GRAMD4: variants seen among roughly 807,000 people sequenced by gnomAD.
The protein encoded by GRAMD4 is GRAM domain containing 4.
GRAMD4 carries 25 observed loss-of-function variants against 83.9 expected under a neutral mutation model. The ratio of observed to expected loss-of-function variants is 0.30; its 90% CI spans 0.22 to 0.42. GRAMD4 has a LOEUF of 0.42. GRAMD4 is among the 10% of genes least tolerant of loss of function. GRAMD4 has a pLI of 1.00. For missense variants in GRAMD4, 593 were observed against 788.7 expected, an observed-to-expected ratio of 0.75 and a Z score of 2.97; for synonymous variants, 336 against 320.9, an observed-to-expected ratio of 1.05 and a Z score of -0.50.
At chr22:46,640,736 C>T (rs1489104896) in intron 3 of GRAMD4, among the ~76,000 whole-genome samples, 1 of 152,144 alleles carries the variant, frequency 6.6e-6, no homozygotes, top group African/African-American at 2.4e-5. Flanking sequence ...AAACCCACCA[C>T]TGGCCGCAAC....
At chr22:46,676,538 G>A in intron 17 of GRAMD4, 62 bp from the exon 18 acceptor site, 2 of 1,460,930 alleles carry the variant, frequency 1.4e-6, no homozygotes, top group Non-Finnish European at 1.9e-6. Context: ...TGGGCCTGTG[G>A]AGGGCTGTGC....
At position 46,677,904 on chromosome 22, in the gene GRAMD4, G is replaced by T; in HGVS notation, c.*653G>T. On this transcript the variant is annotated 3_prime_UTR_variant, in exon 19 of 19. Coordinates refer to ENST00000406902, the MANE Select transcript of GRAMD4 (RefSeq NM_015124.5). ...AGAGGGTGAGAAGGGCCCACCCCTCGCCTGCCCTCAGTGTCTTTGGTGGCA... is the reference window on the plus strand; with the variant it reads ...AGAGGGTGAGAAGGGCCCACCCCTCTCCTGCCCTCAGTGTCTTTGGTGGCA... The T allele has an allele frequency of 7.1e-6, 7 of 985,456 alleles. No homozygotes were observed. The highest frequency in any genetic ancestry group is 8.4e-6 in the Non-Finnish European group (7 of 830,008). The allele number at this position is 985,456 out of a possible 1,614,324, so 61.0% of individuals were successfully genotyped here.
intron 16 of GRAMD4, 32 bp from the exon 17 acceptor site, chr22:46,675,436 C>G (rs746596763): frequency 1.0e-4 from 152 of 1,514,282 alleles, no homozygotes; most frequent in Non-Finnish European, 1.3e-4. Context: ...GGTTCAAGAG[C>G]CAGGCGACGC....
intron 13 of GRAMD4, chr22:46,671,230 A>G: frequency 3.1e-6 from 1 of 319,694 alleles, no homozygotes. Context: ...GCCCCTCCTC[A>G]CACCTAGCAT....
At chr22:46,619,701 C>G (rs1431273253), upstream of GRAMD4, among the ~76,000 whole-genome samples, 1 of 152,204 alleles carries the variant, frequency 6.6e-6, no homozygotes, top group Non-Finnish European at 1.5e-5. Flanking sequence ...CTCACGTCCT[C>G]TTCAGCTGCC....
chr22:46,658,437 TGTGA>T, intron 4 of GRAMD4, 130 bp downstream of exon 4: 1 of 912,734 alleles, frequency 1.1e-6, no homozygotes. Flanking sequence ...GAGGCCTGAG[TGTGA>T]GGGTGGGCCC....
At chr22:46,681,102 C>G (rs924901613), downstream of GRAMD4, among the ~76,000 whole-genome samples, 53 of 152,092 alleles carry the variant, frequency 3.5e-4, no homozygotes, top group African/African-American at 1.2e-3. Flanking sequence ...AGGTCCTCCC[C>G]CAGCTTGCTC....
chr22:46,656,510 G>A (rs772470189), intron 3 of GRAMD4, among the ~76,000 whole-genome samples: 1 of 152,228 alleles, frequency 6.6e-6, no homozygotes, highest in Non-Finnish European at 1.5e-5. Context: ...CTGTCATACT[G>A]CCCTTGGCCC....
intron 5 of GRAMD4, among the ~76,000 whole-genome samples, chr22:46,662,583 G>T (rs2082344678): frequency 1.3e-5 from 2 of 152,220 alleles, no homozygotes; most frequent in Non-Finnish European, 2.9e-5. Flanking sequence ...CTCCCGCTGC[G>T]CCATCCATTG....
At chr22:46,679,892 C>T, downstream of GRAMD4, 1 of 628,332 alleles carries the variant, frequency 1.6e-6, no homozygotes, top group Non-Finnish European at 2.0e-6. Flanking sequence ...GCCCGCCACT[C>T]CCTGGGGCCC....
intron 1 of GRAMD4, among the ~76,000 whole-genome samples, chr22:46,603,614 T>C (rs2081336999): frequency 6.7e-6 from 1 of 149,878 alleles, no homozygotes. Context: ...CCTTCCGGGT[T>C]CACGCCATTC....
chr22:46,605,246 C>T (rs946086087), intron 1 of GRAMD4, among the ~76,000 whole-genome samples: 9 of 152,196 alleles, frequency 5.9e-5, no homozygotes, highest in Non-Finnish European at 4.4e-5. Context: ...CCATAATATT[C>T]TCCGGGTTCA....
intron 13 of GRAMD4, among the ~76,000 whole-genome samples, chr22:46,669,505 CTCTTT>C (rs1300644424): frequency 1.3e-5 from 2 of 152,234 alleles, no homozygotes; most frequent in South Asian, 2.1e-4. Flanking sequence ...TCCCTCCTTT[CTCTTT>C]TCTTTTTTCT....
chr22:46,627,009 G>A lies in GRAMD4; in HGVS notation c.162+48G>A, dbSNP rs761170781. The A allele has an allele frequency of 2.0e-5, 27 of 1,380,150 alleles. No individual in the cohort carries two copies. The East Asian group carries it at 2.3e-4, about 12-fold the overall frequency. 85.5% of individuals were successfully genotyped at this position (1,380,150 alleles called of 1,614,324 possible). On this transcript the variant is annotated intron_variant, in intron 2 of 18. Transcript: ENST00000406902. Reference sequence around the variant, plus strand: ...CGGTGTGGGCTGGGGTGTCGTCCCCGTCCTCTGTGGCCGGGCCAAGCGTGG... The same window carrying A: ...CGGTGTGGGCTGGGGTGTCGTCCCCATCCTCTGTGGCCGGGCCAAGCGTGG...
At chr22:46,599,501 A>G (rs1602315677) in intron 1 of GRAMD4, among the ~76,000 whole-genome samples, 1 of 151,458 alleles carries the variant, frequency 6.6e-6, no homozygotes, top group East Asian at 1.9e-4. Context: ...GTATTTTTGT[A>G]TTTTTAGTAG....
In GRAMD4 at chr22:46,679,649, A is replaced by G; in HGVS notation, c.*2398A>G. 1 of 983,460 alleles carries G rather than the reference A, an allele frequency of 1.0e-6. No homozygotes were observed. Among genetic ancestry groups the G allele is most frequent in the Non-Finnish European group, 1.2e-6 (1 of 827,912 alleles). The allele number at this position is 983,460 out of a possible 1,614,324, so 60.9% of individuals were successfully genotyped here. ...TGCCAGTGTGACTTTTGTTCAACAA[A>G]AGGATTGTACTGTATTAAGAACCGA... On this transcript the variant is annotated 3_prime_UTR_variant, in exon 19 of 19. Coordinates refer to ENST00000406902, the MANE Select transcript of GRAMD4 (RefSeq NM_015124.5).
chr22:46,585,485 C>T (rs1357007597), intron 1 of GRAMD4, among the ~76,000 whole-genome samples: 2 of 152,212 alleles, frequency 1.3e-5, no homozygotes, highest in Non-Finnish European at 2.9e-5. Context: ...CCACCGCGCC[C>T]GGCTGCCTGT....
chr22:46,645,912 T>C (rs2147265594), intron 3 of GRAMD4, among the ~76,000 whole-genome samples: 1 of 152,374 alleles, frequency 6.6e-6, no homozygotes, highest in East Asian at 1.9e-4. Flanking sequence ...GCGCAGGCTC[T>C]GGGAGGTGAG....
intron 1 of GRAMD4, among the ~76,000 whole-genome samples, chr22:46,601,250 T>C (rs1383467859): frequency 6.6e-6 from 1 of 152,030 alleles, no homozygotes; most frequent in Non-Finnish European, 1.5e-5. Flanking sequence ...TTGTCTTCTG[T>C]GACCCGTCGG....
Sources: allele counts gnomAD v4.1 joint callset (sites outside exome capture counted in the v4.1 genomes callset), GRCh38; gene constraint gnomAD v4.1.1; transcripts MANE v1.5; gene names NCBI Gene and HGNC (gene_info 2026-07-23, HGNC 2026-07-21).